ANKH: variants seen among roughly 807,000 people sequenced by gnomAD.
ANKH encodes the protein ANKH inorganic pyrophosphate transport regulator.
A neutral mutation model predicts 49.0 loss-of-function variants in ANKH; 15 were observed. The ratio of observed to expected loss-of-function variants is 0.31; its 90% confidence interval spans 0.20 to 0.47. The LOEUF (loss-of-function observed/expected upper bound fraction) is 0.47. ANKH is among the 20% of genes least tolerant of loss of function. The pLI is 1.00. For missense variants in ANKH, 429 were observed against 652.0 expected, an observed-to-expected ratio of 0.66 and a Z score of 3.72; for synonymous variants, 273 against 260.0, an observed-to-expected ratio of 1.05 and a Z score of -0.48.
At chr5:14,779,195 C>G (rs533618689) in intron 1 of ANKH, among the ~76,000 whole-genome samples, 29 of 152,272 alleles carry the variant, frequency 1.9e-4, no homozygotes, top group Admixed American at 5.2e-4. Context: ...TGGGGCCATC[C>G]ATCTGGGGCT....
rs1580054473 is a variant in ANKH at position 14,770,304 on chromosome 5, G to A, written c.97-1113C>T. ...TGCCTTACAATCAATGAATCTACACGGACACATCATTATTACTCAAAGACC... is the reference window on the plus strand; with the variant it reads ...TGCCTTACAATCAATGAATCTACACAGACACATCATTATTACTCAAAGACC... On this transcript the variant is annotated intron_variant, in intron 1 of 11. Transcript: ENST00000284268. This position sits in a 1 kb window ranked among gnomAD's most constrained non-coding sequence, Gnocchi z 4.1. Among the ~76,000 whole-genome samples the A allele has an allele frequency of 6.6e-6, 1 of 151,858 alleles. No individual in the cohort carries two copies. Among genetic ancestry groups the A allele is most frequent in the Non-Finnish European group, 1.5e-5 (1 of 68,000 alleles).
chr5:14,783,079 T>A (rs1029649471), intron 1 of ANKH, among the ~76,000 whole-genome samples: 2 of 152,166 alleles, frequency 1.3e-5, no homozygotes, highest in Non-Finnish European at 2.9e-5. Flanking sequence ...CTGGCACGCA[T>A]CAAGTTTTGT....
chr5:14,819,828 T>G (rs1401393644), intron 1 of ANKH, among the ~76,000 whole-genome samples: 1 of 151,636 alleles, frequency 6.6e-6, no homozygotes, highest in Non-Finnish European at 1.5e-5. Context: ...ATGGCACCAC[T>G]GCACTACAGT....
intron 1 of ANKH, among the ~76,000 whole-genome samples, chr5:14,834,031 G>C (rs1016386274): frequency 6.6e-6 from 1 of 152,192 alleles, no homozygotes; most frequent in African/African-American, 2.4e-5. Flanking sequence ...TAAATGCAGA[G>C]CACGGCTCAC....
rs549299963 is a variant in ANKH at position 14,819,379 on chromosome 5, C to T, written c.97-50188G>A. 8.5e-5 allele frequency among the ~76,000 whole-genome samples: 13 copies of T among 152,338 alleles called. No individual in the cohort carries two copies. The South Asian group carries it at 1.9e-3, about 22-fold the overall frequency. ...GTAATGCAGTCATGAAAATCTGCGG[C>T]GAGGGCCTGGACTTTCTGAACTCAA... On this transcript the variant is annotated intron_variant, in intron 1 of 11. Coordinates refer to ENST00000284268, the MANE Select transcript of ANKH (RefSeq NM_054027.6).
intron 1 of ANKH, among the ~76,000 whole-genome samples, chr5:14,838,721 C>T (rs1187611477): frequency 2.0e-5 from 3 of 152,218 alleles, no homozygotes; most frequent in African/African-American, 7.2e-5. Flanking sequence ...GACGACTCTG[C>T]ACACTTTCTG....
At chr5:14,732,395 G>A (rs916123257) in intron 8 of ANKH, among the ~76,000 whole-genome samples, 6 of 151,862 alleles carry the variant, frequency 4.0e-5, no homozygotes, top group African/African-American at 1.5e-4. Context: ...TAAATCTACC[G>A]ATCAAGAGAC....
chr5:14,849,369 C>T lies in ANKH; in HGVS notation c.96+21983G>A, dbSNP rs547068802. Among the ~76,000 whole-genome samples the T allele has an allele frequency of 9.2e-5, 14 of 152,274 alleles. No individual in the cohort carries two copies. The South Asian group carries it at 2.9e-3, about 32-fold the overall frequency. ...ATCCCTTAAAGCAAAGGGGTTTTCT[C>T]CTCCTAATGTTAGCTGTATACATGT... On this transcript the variant is annotated intron_variant, in intron 1 of 11. Transcript: ENST00000284268.
Position 14,707,491 on chromosome 5 carries a change from C to T in ANKH, c.*3706G>A, listed in dbSNP as rs25992. The T allele has an allele frequency of 0.94, 143,763 of 152,274 alleles. 68,006 individuals are homozygous for T. The highest frequency in any genetic ancestry group is 0.99 in the African/African-American group (40,972 of 41,562). 9.4% of individuals were successfully genotyped at this position (152,274 alleles called of 1,614,324 possible). On this transcript the variant is annotated 3_prime_UTR_variant, in exon 12 of 12. Coordinates refer to ENST00000284268, the MANE Select transcript of ANKH (RefSeq NM_054027.6). ...ATAAGTGAATAAATTTTGAGAGTTA[C>T]GATATGTAATGATTATTCCAACCAG... is the stretch of plus-strand genomic sequence containing the variant.
At chr5:14,839,849 T>C (rs769629398) in intron 1 of ANKH, among the ~76,000 whole-genome samples, 5 of 152,212 alleles carry the variant, frequency 3.3e-5, no homozygotes, top group Non-Finnish European at 7.3e-5. Context: ...GATGTAAAGA[T>C]GCAAGCACGT....
chr5:14,815,730 C>T (rs1027837744), intron 1 of ANKH, among the ~76,000 whole-genome samples: 1 of 152,160 alleles, frequency 6.6e-6, no homozygotes, highest in South Asian at 2.1e-4. Context: ...TGTATACATA[C>T]AAAGACAGGG....
At chr5:14,741,521 T>C (rs1336515485) in intron 8 of ANKH, 1 of 299,008 alleles carries the variant, frequency 3.3e-6, no homozygotes, top group African/African-American at 2.2e-5. Context: ...TTTCGATGTT[T>C]AAAAAGTGGG....
intron 1 of ANKH, among the ~76,000 whole-genome samples, chr5:14,783,791 G>A (rs984853637): frequency 6.6e-6 from 1 of 152,146 alleles, no homozygotes; most frequent in African/African-American, 2.4e-5. Context: ...GCTAAAGATG[G>A]GAAAATGAAT....
chr5:14,707,908 G>A lies in ANKH; in HGVS notation c.*3289C>T, dbSNP rs979237712. On this transcript the variant is annotated 3_prime_UTR_variant, in exon 12 of 12. Coordinates refer to ENST00000284268, the MANE Select transcript of ANKH (RefSeq NM_054027.6). ...ACAAACCCGATGCAGGCAGTCATGGGGGATGACTGTTTTTTACCCAGAAAT... is the reference window on the plus strand; with the variant it reads ...ACAAACCCGATGCAGGCAGTCATGGAGGATGACTGTTTTTTACCCAGAAAT... The A allele has an allele frequency of 6.6e-6, 1 of 152,114 alleles. No homozygotes were observed. Among genetic ancestry groups the A allele is most frequent in the Non-Finnish European group, 1.5e-5 (1 of 68,028 alleles). The allele number at this position is 152,114 out of a possible 1,614,324, so 9.4% of individuals were successfully genotyped here.
chr5:14,720,791 T>C (rs1333069535), intron 8 of ANKH, among the ~76,000 whole-genome samples: 2 of 152,258 alleles, frequency 1.3e-5, no homozygotes, highest in African/African-American at 4.8e-5. Flanking sequence ...ATGATCTGAA[T>C]GTGAGATAAT....
intron 11 of ANKH, among the ~76,000 whole-genome samples, chr5:14,712,593 C>G (rs1216928517): frequency 2.0e-5 from 3 of 152,252 alleles, no homozygotes; most frequent in Non-Finnish European, 4.4e-5. Context: ...TGAATTTCGC[C>G]CCATCTACGC....
At chr5:14,870,791 A>AAAG (rs1561092709) in intron 1 of ANKH, 142 of 155,454 alleles carry the variant, frequency 9.1e-4, no homozygotes, top group Non-Finnish European at 1.6e-3. Flanking sequence ...AAGAAAGAAA[A>AAAG]AAAAAGAAAA....
At chr5:14,797,465 G>T in intron 1 of ANKH, 2 of 1,611,258 alleles carry the variant, frequency 1.2e-6, no homozygotes, top group East Asian at 4.5e-5. Flanking sequence ...GTGACTCAAA[G>T]GAATGCAACT....
rs937986801 is a variant in ANKH at position 14,710,838 on chromosome 5, C to T, written c.*359G>A. On this transcript the variant is annotated 3_prime_UTR_variant, in exon 12 of 12. Coordinates refer to ENST00000284268, the MANE Select transcript of ANKH (RefSeq NM_054027.6). ...TCTGTGGCCTGCTGTGCAGGGTGAC[C>T]GAGGCGCGATGGCACAGCTGCAGTC... is the stretch of plus-strand genomic sequence containing the variant. 2.0e-5 allele frequency: 7 copies of T among 343,586 alleles called. No individual in the cohort carries two copies. Among genetic ancestry groups the T allele is most frequent in the South Asian group, 4.8e-5 (2 of 41,502 alleles). 21.3% of individuals were successfully genotyped at this position (343,586 alleles called of 1,614,324 possible).
Sources: allele counts gnomAD v4.1 joint callset (sites outside exome capture counted in the v4.1 genomes callset), GRCh38; gene constraint gnomAD v4.1.1; non-coding constraint Gnocchi (gnomAD v3.1); transcripts MANE v1.5; gene names NCBI Gene and HGNC (gene_info 2026-07-23, HGNC 2026-07-21).